The following DLG5 variants were observed in gnomAD, a reference collection of about 807,000 sequenced individuals.
DLG5 encodes the protein discs large MAGUK scaffold protein 5, also known as disks large homolog 5.
DLG5 carries 48 observed loss-of-function variants against 189.8 expected under a neutral mutation model. That is an observed-to-expected ratio of 0.25 (90% CI 0.20 to 0.32). DLG5 has a LOEUF of 0.32. Among genes scored for constraint, DLG5 ranks in the 10% least tolerant of loss-of-function variants. DLG5 has a pLI of 1.00. For missense variants in DLG5, 2,160 were observed against 2,544.7 expected, an observed-to-expected ratio of 0.85 and a Z score of 3.25; for synonymous variants, 1,016 against 1,054.1, an observed-to-expected ratio of 0.96 and a Z score of 0.70.
chr10:77,883,783 C>G (rs1226034071), intron 1 of DLG5, among the ~76,000 whole-genome samples: 1 of 150,922 alleles, frequency 6.6e-6, no homozygotes, highest in Non-Finnish European at 1.5e-5. Context: ...TGCAACCTCC[C>G]CCTTCTGGGT....
chr10:77,924,924 C>T (rs1245622352), intron 1 of DLG5, among the ~76,000 whole-genome samples: 1 of 152,200 alleles, frequency 6.6e-6, no homozygotes, highest in Non-Finnish European at 1.5e-5. Flanking sequence ...CTTATAAAAT[C>T]ATTCCCTTAA....
At chr10:77,842,706 G>A (rs1053406660) in intron 6 of DLG5, among the ~76,000 whole-genome samples, 4 of 152,184 alleles carry the variant, frequency 2.6e-5, no homozygotes, top group Admixed American at 2.6e-4. Context: ...GCAATTCTCA[G>A]TGTGCTCCAT....
chr10:77,843,815 G>A lies in DLG5; in HGVS notation c.865-109C>T, dbSNP rs376335572. 52 of 1,444,158 alleles carry A rather than the reference G, an allele frequency of 3.6e-5. 1 individual carries two copies. The South Asian group carries it at 3.8e-4, about 10-fold the overall frequency. 89.5% of individuals were successfully genotyped at this position (1,444,158 alleles called of 1,614,324 possible). On this transcript the variant is annotated intron_variant, in intron 5 of 31. Transcript: ENST00000372391. The stretch of plus-strand genomic sequence containing the variant: ...GGTGAGACTGATGACAAGGCGGTTG[G>A]GGGGAGGGGGTTACCCTAAAGCTTT...
At chr10:77,803,285 G>A (rs1841308367) in intron 27 of DLG5, among the ~76,000 whole-genome samples, 1 of 152,166 alleles carries the variant, frequency 6.6e-6, no homozygotes, top group Admixed American at 6.5e-5. Context: ...AATCAAGACT[G>A]CCACAGGGGT....
intron 1 of DLG5, among the ~76,000 whole-genome samples, chr10:77,896,074 T>C (rs1781825): frequency 0.71 from 107,249 of 151,610 alleles, 38,330 homozygotes; most frequent in African/African-American, 0.81. Context: ...GCACAAGAAT[T>C]GCTTGAACCC....
intron 29 of DLG5, among the ~76,000 whole-genome samples, chr10:77,795,402 G>A (rs766674556): frequency 2.6e-5 from 4 of 152,066 alleles, no homozygotes; most frequent in Non-Finnish European, 5.9e-5. Flanking sequence ...GTGCACTCCC[G>A]ACCCCCAGAT....
chr10:77,826,490 G>T (rs551416892), intron 13 of DLG5, among the ~76,000 whole-genome samples: 1 of 152,138 alleles, frequency 6.6e-6, no homozygotes, highest in Non-Finnish European at 1.5e-5. Flanking sequence ...CTAGCAGGGC[G>T]TGATGGCACA....
intron 1 of DLG5, among the ~76,000 whole-genome samples, chr10:77,904,316 G>A (rs1334703815): frequency 2.0e-5 from 3 of 151,304 alleles, no homozygotes; most frequent in African/African-American, 2.4e-5. Flanking sequence ...TTCATAGGCG[G>A]AAGGGACTTG....
chr10:77,846,113 C>T (rs1361904913), intron 5 of DLG5, among the ~76,000 whole-genome samples: 6 of 152,020 alleles, frequency 3.9e-5, no homozygotes, highest in African/African-American at 1.4e-4. Context: ...GGCGTGGTGG[C>T]GGGCACCTGT....
intron 1 of DLG5, among the ~76,000 whole-genome samples, chr10:77,907,942 G>A (rs1846111721): frequency 6.6e-6 from 1 of 152,012 alleles, no homozygotes; most frequent in Non-Finnish European, 1.5e-5. Flanking sequence ...AAATAATAAA[G>A]TATCCTATGC....
chr10:77,930,229 G>T (rs978960654), upstream of DLG5, among the ~76,000 whole-genome samples: 19 of 151,924 alleles, frequency 1.3e-4, no homozygotes, highest in African/African-American at 4.6e-4. Context: ...TGTTTCCTTC[G>T]GAAACAATCA....
At chr10:77,873,100 G>A (rs1025035699) in intron 1 of DLG5, among the ~76,000 whole-genome samples, 1 of 151,802 alleles carries the variant, frequency 6.6e-6, no homozygotes, top group African/African-American at 2.4e-5. Flanking sequence ...CAAGTACCAT[G>A]CAGAGGTGCT....
chr10:77,813,868 T>C (rs1841905396), intron 20 of DLG5, among the ~76,000 whole-genome samples: 1 of 152,266 alleles, frequency 6.6e-6, no homozygotes, highest in African/African-American at 2.4e-5. Context: ...TTTATCTGCA[T>C]CTGCAAACAA....
rs1489582750 is a variant in DLG5 at position 77,819,956 on chromosome 10, G to A, written c.3465C>T (p.Tyr1155=). ...LSPELQEWAP[Y]SPGHSSRHSN... ...TGTGCCGGCTGGAATGCCCAGGCGA[G>A]TAAGGTGCCCACTCCTGGAGCTCCG... Residue 1155 remains tyrosine (Y), a synonymous_variant, in exon 16 of 32, where the codon TAC becomes TAT. Coordinates refer to ENST00000372391, the MANE Select transcript of DLG5 (RefSeq NM_004747.4). 1 of 1,612,006 alleles carries A rather than the reference G, an allele frequency of 6.2e-7. No individual in the cohort carries two copies. The highest frequency in any genetic ancestry group is 2.2e-5 in the East Asian group (1 of 44,822).
At chr10:77,929,213 T>A (rs865787647), upstream of DLG5, 1 of 152,030 alleles carries the variant, frequency 6.6e-6, no homozygotes, top group Non-Finnish European at 1.5e-5. Context: ...GCTAATTTTT[T>A]AAATATTTTG....
intron 7 of DLG5, among the ~76,000 whole-genome samples, chr10:77,839,917 A>G (rs928111601): frequency 6.6e-6 from 1 of 152,218 alleles, no homozygotes; most frequent in Non-Finnish European, 1.5e-5. Context: ...TTACCCACAG[A>G]AACAGTTTAA....
At chr10:77,825,586 C>T (rs1017661227) in intron 13 of DLG5, among the ~76,000 whole-genome samples, 1 of 151,246 alleles carries the variant, frequency 6.6e-6, no homozygotes, top group Non-Finnish European at 1.5e-5. Context: ...GATGGAGTCT[C>T]GCTCTGTCCC....
At chr10:77,872,166 A>C (rs1233670041) in intron 1 of DLG5, among the ~76,000 whole-genome samples, 1 of 152,128 alleles carries the variant, frequency 6.6e-6, no homozygotes, top group African/African-American at 2.4e-5. Context: ...AGCTTACGAC[A>C]CTGGCAGCCT....
At chr10:77,798,584 A>G (rs1841044092) in intron 27 of DLG5, among the ~76,000 whole-genome samples, 1 of 152,172 alleles carries the variant, frequency 6.6e-6, no homozygotes, top group African/African-American at 2.4e-5. Flanking sequence ...AAAACCTAGA[A>G]TATATATTGT....
Sources: gnomAD v4.1 joint callset for allele counts (sites outside exome capture counted in the v4.1 genomes callset) on GRCh38, gnomAD v4.1.1 for gene constraint, MANE v1.5 for transcripts, NCBI Gene and HGNC (gene_info 2026-07-23, HGNC 2026-07-21) for gene names.